CTNND2: variants seen among roughly 807,000 people sequenced by gnomAD.
CTNND2 encodes catenin delta-2.
A neutral mutation model predicts 144.4 loss-of-function variants in CTNND2; 22 were observed. The observed-to-expected ratio is 0.15, with a 90% CI of 0.11 to 0.22. The LOEUF is 0.22. Ranked by LOEUF, CTNND2 falls within the 10% of genes least tolerant of loss-of-function variation. CTNND2 has a pLI of 1.00. For missense variants in CTNND2, 1,353 were observed against 1,618.8 expected (o/e 0.84, Z 2.82); for synonymous variants, 751 against 695.6 (o/e 1.08, Z -1.25).
At chr5:11,473,989 T>C (rs1767481469) in intron 3 of CTNND2, among the ~76,000 whole-genome samples, 1 of 152,252 alleles carries the variant, frequency 6.6e-6, no homozygotes, top group Non-Finnish European at 1.5e-5. Flanking sequence ...TAAAGAACTC[T>C]TTCTTTCTTA....
chr5:11,634,141 T>A lies in CTNND2; in HGVS notation c.175-69085A>T, dbSNP rs557930199. Among the ~76,000 whole-genome samples the A allele has an allele frequency of 3.3e-5, 5 of 152,278 alleles. No homozygotes were observed. The East Asian group carries it at 9.7e-4, about 29-fold the overall frequency. ...GAGCATTTGGCCACAATCAGTCAAGTCTTCTCTACATTCAACCGACTATAT... is the reference window on the plus strand; with the variant it reads ...GAGCATTTGGCCACAATCAGTCAAGACTTCTCTACATTCAACCGACTATAT... On this transcript the variant is annotated intron_variant, in intron 2 of 21. Coordinates refer to ENST00000304623, the MANE Select transcript of CTNND2 (RefSeq NM_001332.4).
Position 11,781,231 on chromosome 5 carries a change from G to A in CTNND2, c.38-48959C>T, listed in dbSNP as rs1232415397. Among the ~76,000 whole-genome samples the A allele has an allele frequency of 1.0e-4, 3 of 28,966 alleles. No individual in the cohort carries two copies. The Non-Finnish European group carries it at 2.3e-3, about 22-fold the overall frequency. The allele number at this position is 28,966 out of a possible 152,430, so 19.0% of individuals were successfully genotyped here. A position where few individuals can be genotyped will look rare whatever the true frequency, so the allele number is the denominator to read the frequency against. On this transcript the variant is annotated intron_variant, in intron 1 of 21. Coordinates refer to ENST00000304623, the MANE Select transcript of CTNND2 (RefSeq NM_001332.4). ...CCAACTGACAGAGGAGGGATCTAAG[G>A]AGTGTTAGGTGGAACCAAGATTGAG...
intron 7 of CTNND2, among the ~76,000 whole-genome samples, chr5:11,379,969 C>T (rs1758315025): frequency 6.7e-6 from 1 of 149,554 alleles, no homozygotes; most frequent in Non-Finnish European, 1.5e-5. Context: ...TCCCCTGCCT[C>T]CCTGCACCCC....
rs1445997028 is a variant in CTNND2 at position 11,670,670 on chromosome 5, T to C, written c.174+61466A>G. Among the ~76,000 whole-genome samples, 4 of 135,638 alleles carry C rather than the reference T, an allele frequency of 2.9e-5. No individual in the cohort carries two copies. In the South Asian group the frequency reaches 6.4e-4, roughly 22 times the overall value. 89.0% of individuals were successfully genotyped at this position (135,638 alleles called of 152,430 possible). On this transcript the variant is annotated intron_variant, in intron 2 of 21. Coordinates refer to ENST00000304623, the MANE Select transcript of CTNND2 (RefSeq NM_001332.4). Reference sequence around the variant, plus strand: ...CCTTTATTTTGAACCTATGTGTGTCTTTCCATATGAGATGGTCTCCTGAAT... The same window carrying C: ...CCTTTATTTTGAACCTATGTGTGTCCTTCCATATGAGATGGTCTCCTGAAT...
intron 1 of CTNND2, among the ~76,000 whole-genome samples, chr5:11,789,667 A>G (rs1442276757): frequency 6.6e-6 from 1 of 152,154 alleles, no homozygotes; most frequent in Non-Finnish European, 1.5e-5. Context: ...TATAGACTAT[A>G]AAGTCTACAA....
At chr5:11,516,263 A>C (rs1328024502) in intron 3 of CTNND2, among the ~76,000 whole-genome samples, 2 of 152,146 alleles carry the variant, frequency 1.3e-5, no homozygotes, top group Non-Finnish European at 2.9e-5. Context: ...AAGATTGAGA[A>C]TAAGACAAGG....
At chr5:11,317,469 A>G (rs1011600214) in intron 9 of CTNND2, among the ~76,000 whole-genome samples, 2 of 152,236 alleles carry the variant, frequency 1.3e-5, no homozygotes, top group Non-Finnish European at 2.9e-5. Flanking sequence ...TTTCTCTATA[A>G]TAAACTCCCA....
intron 9 of CTNND2, among the ~76,000 whole-genome samples, chr5:11,243,913 A>T (rs1481702075): frequency 6.6e-6 from 1 of 152,224 alleles, no homozygotes; most frequent in Non-Finnish European, 1.5e-5. Flanking sequence ...GCTCACTTTG[A>T]TTGCAATCTA....
At chr5:11,163,973 T>A (rs977313570) in intron 11 of CTNND2, among the ~76,000 whole-genome samples, 2 of 152,038 alleles carry the variant, frequency 1.3e-5, no homozygotes, top group Non-Finnish European at 2.9e-5. Context: ...AGGGCTGGAG[T>A]CTGAAATGGG....
intron 1 of CTNND2, among the ~76,000 whole-genome samples, chr5:11,733,873 T>C (rs1230349721): frequency 6.6e-6 from 1 of 152,184 alleles, no homozygotes; most frequent in African/African-American, 2.4e-5. Context: ...ACAAATGAGA[T>C]TGCTGTGGTC....
At chr5:11,260,655 T>C (rs2149953683) in intron 9 of CTNND2, among the ~76,000 whole-genome samples, 1 of 152,270 alleles carries the variant, frequency 6.6e-6, no homozygotes, top group South Asian at 2.1e-4. Context: ...TACCTGCTCC[T>C]GACATAATGA....
chr5:11,571,675 C>T (rs1004481188), intron 2 of CTNND2, among the ~76,000 whole-genome samples: 23 of 152,038 alleles, frequency 1.5e-4, no homozygotes, highest in African/African-American at 5.3e-4. Flanking sequence ...ACCCACACCC[C>T]GCACCTTCGA....
chr5:11,376,322 G>GTGTGTGTGTGTGTGTGTTCATGTATC (rs1554044777), intron 7 of CTNND2, among the ~76,000 whole-genome samples: 50 of 146,168 alleles, frequency 3.4e-4, no homozygotes, highest in African/African-American at 9.7e-4. Flanking sequence ...TTGTGTGTGT[G>GTGTGTGTGTGTGTGTGTTCATGTATC]TGTGTGTGTG....
At chr5:11,817,981 GTTTTT>G (rs35360011) in intron 1 of CTNND2, among the ~76,000 whole-genome samples, 2 of 31,870 alleles carry the variant, frequency 6.3e-5, no homozygotes, top group Non-Finnish European at 1.5e-4. Flanking sequence ...ATTATGAGGT[GTTTTT>G]TTTTTTTTTT....
intron 1 of CTNND2, among the ~76,000 whole-genome samples, chr5:11,800,583 C>CA (rs1334607481): frequency 5.3e-5 from 8 of 152,152 alleles, no homozygotes; most frequent in Non-Finnish European, 8.8e-5. Flanking sequence ...TACTGAGCAC[C>CA]AAGTGATGAA....
intron 2 of CTNND2, among the ~76,000 whole-genome samples, chr5:11,634,083 C>T (rs1003346356): frequency 3.3e-5 from 5 of 152,182 alleles, no homozygotes; most frequent in Non-Finnish European, 1.5e-5. Context: ...TATCCAGCCA[C>T]CCCAATTTCA....
chr5:11,298,941 A>AATT (rs749380049), intron 9 of CTNND2, among the ~76,000 whole-genome samples: 4 of 152,288 alleles, frequency 2.6e-5, no homozygotes, highest in South Asian at 4.1e-4. Flanking sequence ...ATTGGTGGTG[A>AATT]ATTATTATTA....
At chr5:11,368,223 G>C (rs769348143) in intron 7 of CTNND2, among the ~76,000 whole-genome samples, 24 of 152,272 alleles carry the variant, frequency 1.6e-4, no homozygotes, top group Non-Finnish European at 2.9e-4. Context: ...CCCAAAACTG[G>C]GAAGGGCTTT....
chr5:11,709,896 T>G (rs1447040718), intron 2 of CTNND2, among the ~76,000 whole-genome samples: 1 of 152,192 alleles, frequency 6.6e-6, no homozygotes, highest in African/African-American at 2.4e-5. Context: ...AAAATTAAGA[T>G]ATTACAAAAA....
Sources: gnomAD v4.1 joint callset for allele counts (sites outside exome capture counted in the v4.1 genomes callset) on GRCh38, gnomAD v4.1.1 for gene constraint, MANE v1.5 for transcripts, NCBI Gene and HGNC (gene_info 2026-07-23, HGNC 2026-07-21) for gene names.